DAB1: variants seen among roughly 807,000 people sequenced by gnomAD.
DAB1 encodes the protein disabled homolog 1.
A neutral mutation model predicts 64.6 loss-of-function variants in DAB1; 15 were observed. The observed-to-expected ratio is 0.23, with a 90% CI of 0.16 to 0.36. DAB1 has a LOEUF of 0.36. Ranked by LOEUF, DAB1 falls within the 10% of genes least tolerant of loss-of-function variation. The pLI is 1.00. For missense variants in DAB1, 596 were observed against 706.7 expected (o/e 0.84, Z 1.78); for synonymous variants, 235 against 251.9 (o/e 0.93, Z 0.64).
At chr1:57,206,798 A>G (rs1665575200) in intron 2 of DAB1, among the ~76,000 whole-genome samples, 2 of 152,180 alleles carry the variant, frequency 1.3e-5, no homozygotes, top group South Asian at 4.1e-4. Context: ...TTTTGGAGTC[A>G]GAAAGACCTG....
chr1:57,104,097 GA>G (rs1290249527), intron 4 of DAB1, among the ~76,000 whole-genome samples: 2 of 152,170 alleles, frequency 1.3e-5, no homozygotes, highest in Non-Finnish European at 2.9e-5. Flanking sequence ...AGAACATCCT[GA>G]ATACACATTC....
intron 6 of DAB1, among the ~76,000 whole-genome samples, chr1:57,741,675 G>A (rs538067209): frequency 5.3e-5 from 8 of 152,324 alleles, no homozygotes; most frequent in African/African-American, 1.4e-4. Flanking sequence ...GGAAATCTGC[G>A]TAGTATGCAA....
intron 1 of DAB1, among the ~76,000 whole-genome samples, chr1:57,337,562 T>C (rs887983109): frequency 1.4e-5 from 2 of 145,596 alleles, no homozygotes; most frequent in African/African-American, 5.1e-5. Flanking sequence ...CTCTCCTATG[T>C]TTTTTTTCCT....
chr1:58,451,988 G>C (rs182510081), intron 3 of DAB1, among the ~76,000 whole-genome samples: 1 of 144,930 alleles, frequency 6.9e-6, no homozygotes, highest in Non-Finnish European at 1.5e-5. Context: ...CACGATCTCC[G>C]CTCACTGCAA....
intron 4 of DAB1, among the ~76,000 whole-genome samples, chr1:57,108,868 A>G (rs140538723): frequency 1.8e-4 from 27 of 152,342 alleles, no homozygotes; most frequent in African/African-American, 6.5e-4. Context: ...GTCTGGCTTC[A>G]GGACACTGGC....
intron 2 of DAB1, among the ~76,000 whole-genome samples, chr1:57,147,593 T>C (rs1255269422): frequency 6.6e-6 from 1 of 152,176 alleles, no homozygotes; most frequent in East Asian, 1.9e-4. Context: ...TGTCAGAGAC[T>C]AGAGCTAAGA....
At chr1:57,415,233 G>T (rs537682238) in intron 1 of DAB1, among the ~76,000 whole-genome samples, 1 of 137,678 alleles carries the variant, frequency 7.3e-6, no homozygotes, top group Admixed American at 8.0e-5. Flanking sequence ...TAGAATAAAT[G>T]CCTACCTCAC....
chr1:57,838,459 G>GA (rs34042993), intron 1 of DAB1, among the ~76,000 whole-genome samples: 35 of 149,994 alleles, frequency 2.3e-4, no homozygotes, highest in Admixed American at 7.9e-4. Context: ...TATAAGAACA[G>GA]AAAAAAAAAC....
At chr1:57,632,851 G>A (rs1646007105) in intron 7 of DAB1, among the ~76,000 whole-genome samples, 1 of 152,184 alleles carries the variant, frequency 6.6e-6, no homozygotes, top group African/African-American at 2.4e-5. Flanking sequence ...GACAGGAGTT[G>A]TAGTACTATG....
At position 58,025,651 on chromosome 1, in the gene DAB1, GTATATA is replaced by G. The variant is rs763787466; in HGVS notation, n.387+124854_387+124859del. On this transcript the variant is annotated intron_variant and non_coding_transcript_variant, in intron 5 of 20. Transcript: ENST00000485760. ...AATATAATATTATATATATATGTGT[GTATATA>G]TATATATATATATATATATATATAT... Among the ~76,000 whole-genome samples, 488 of 75,276 alleles carry G rather than the reference GTATATA, an allele frequency of 6.5e-3. 5 individuals carry two copies. Among genetic ancestry groups the G allele is most frequent in the East Asian group, 0.054 (171 of 3,152 alleles). 49.4% of individuals were successfully genotyped at this position (75,276 alleles called of 152,430 possible). A position where few individuals can be genotyped will look rare whatever the true frequency, so the allele number is the denominator to read the frequency against.
At chr1:57,480,151 C>CA (rs745322461) in intron 7 of DAB1, among the ~76,000 whole-genome samples, 27,233 of 100,314 alleles carry the variant, frequency 0.27, 3,514 homozygotes, top group African/African-American at 0.46. Flanking sequence ...AACTCCGTCT[C>CA]AAAAAAAAAA....
intron 3 of DAB1, among the ~76,000 whole-genome samples, chr1:58,396,249 G>A (rs1044540531): frequency 5.9e-5 from 9 of 152,114 alleles, no homozygotes; most frequent in Non-Finnish European, 8.8e-5. Flanking sequence ...GCCATTCCCA[G>A]GGGCTCCAGT....
intron 6 of DAB1, among the ~76,000 whole-genome samples, chr1:57,716,129 C>T (rs944012760): frequency 1.3e-5 from 2 of 152,202 alleles, no homozygotes; most frequent in Non-Finnish European, 1.5e-5. Context: ...AGGCTGGTCT[C>T]GAACTCCTGA....
chr1:58,174,762 C>T (rs926287072), intron 4 of DAB1, among the ~76,000 whole-genome samples: 3 of 152,086 alleles, frequency 2.0e-5, no homozygotes, highest in Non-Finnish European at 2.9e-5. Context: ...ATTGTAAATG[C>T]ACCAATCAGC....
At chr1:57,735,835 T>G (rs1647666292) in intron 6 of DAB1, among the ~76,000 whole-genome samples, 1 of 152,128 alleles carries the variant, frequency 6.6e-6, no homozygotes, top group Non-Finnish European at 1.5e-5. Context: ...AAATGTGGCT[T>G]CTTAATCAGT....
At chr1:57,233,332 G>A (rs893758318) in intron 2 of DAB1, among the ~76,000 whole-genome samples, 2 of 136,316 alleles carry the variant, frequency 1.5e-5, no homozygotes, top group Admixed American at 7.7e-5. Flanking sequence ...GCGGGATCTC[G>A]GCTCACTGCA....
In DAB1 at chr1:57,351,814, C is replaced by A. The variant is rs1322361304; in HGVS notation, c.-136-60648G>T. On this transcript the variant is annotated intron_variant, in intron 1 of 14. Coordinates refer to ENST00000371236, the MANE Select transcript of DAB1 (RefSeq NM_001365792.1). Reference sequence around the variant, plus strand: ...AGTTGCAAACATCCCAGTCTCCTGACAATGAATTTGGATAAAACACCCACA... The same window carrying A: ...AGTTGCAAACATCCCAGTCTCCTGAAAATGAATTTGGATAAAACACCCACA... Among the ~76,000 whole-genome samples the A allele has an allele frequency of 2.0e-5, 3 of 152,018 alleles. No homozygotes were observed. The East Asian group carries it at 5.8e-4, about 29-fold the overall frequency.
intron 1 of DAB1, among the ~76,000 whole-genome samples, chr1:57,346,307 T>A (rs1678092892): frequency 6.6e-6 from 1 of 152,210 alleles, no homozygotes; most frequent in Non-Finnish European, 1.5e-5. Context: ...GGTCAGAGCT[T>A]ACAAGCCTTC....
chr1:57,028,673 G>A (rs191261044), intron 9 of DAB1, among the ~76,000 whole-genome samples: 82 of 152,278 alleles, frequency 5.4e-4, no homozygotes, highest in Admixed American at 5.3e-3. Context: ...TAGAGATGAG[G>A]AACTGGTTGG....
Sources: gnomAD v4.1 joint callset for allele counts (sites outside exome capture counted in the v4.1 genomes callset) on GRCh38, gnomAD v4.1.1 for gene constraint, MANE v1.5 for transcripts, NCBI Gene and HGNC (gene_info 2026-07-23, HGNC 2026-07-21) for gene names.